The following PRDM4 variants were observed in gnomAD, a reference collection of about 807,000 sequenced individuals.
PRDM4 encodes PR/SET domain 4.
In PRDM4, 38 loss-of-function variants were observed where a neutral mutation model predicts 62.3. That is an observed-to-expected ratio of 0.61 (90% CI 0.47 to 0.80). The LOEUF is 0.80. PRDM4 is among the 30% of genes least tolerant of loss of function. PRDM4 has a pLI of 0.00. For missense variants in PRDM4, 858 were observed against 997.1 expected (o/e 0.86, Z 1.88); for synonymous variants, 339 against 348.2 (o/e 0.97, Z 0.30).
intron 2 of PRDM4, among the ~76,000 whole-genome samples, chr12:107,759,113 T>C (rs1891149342): frequency 1.3e-5 from 2 of 150,322 alleles, no homozygotes; most frequent in Non-Finnish European, 2.9e-5. Flanking sequence ...CTACTAAACA[T>C]TTTTTTTAAC....
chr12:107,751,455 G>A lies in PRDM4; in HGVS notation c.1086C>T (p.Ser362=), dbSNP rs140227015. ...FVSPSLQMED[S]NSNKENMATL... ...TTGCCATGTTCTCCTTGTTTGAATTGGAGTCTTCCATTTGCAGTGAAGGTG... is the reference window on the plus strand; with the variant it reads ...TTGCCATGTTCTCCTTGTTTGAATTAGAGTCTTCCATTTGCAGTGAAGGTG... The change falls in exon 5 of 12, where the codon TCC becomes TCT. Residue 362 remains serine, a synonymous_variant. Coordinates refer to ENST00000228437, the MANE Select transcript of PRDM4 (RefSeq NM_012406.4). 6.2e-7 allele frequency: 1 copy of A among 1,611,800 alleles called. No homozygotes were observed. The highest frequency in any genetic ancestry group is 8.5e-7 in the Non-Finnish European group (1 of 1,178,152).
intron 7 of PRDM4, 77 bp from the exon 8 acceptor site, chr12:107,743,359 T>C (rs1328011187): frequency 9.8e-7 from 1 of 1,022,530 alleles, no homozygotes; most frequent in East Asian, 2.4e-5. Context: ...AGGCCAGCAA[T>C]CACCTCATTT....
At chr12:107,739,059 C>G (rs577394865) in intron 11 of PRDM4, 33 of 205,248 alleles carry the variant, frequency 1.6e-4, no homozygotes, top group Non-Finnish European at 2.2e-4. Flanking sequence ...CTCCATCACT[C>G]TCTCACATGC....
intron 3 of PRDM4, among the ~76,000 whole-genome samples, chr12:107,756,275 G>A (rs1056517322): frequency 3.3e-5 from 5 of 152,046 alleles, no homozygotes; most frequent in Non-Finnish European, 7.4e-5. Context: ...AAAAAGGATA[G>A]GAAGAATGAA....
intron 11 of PRDM4, 64 bp from the exon 12 acceptor site, chr12:107,734,586 A>G: frequency 6.8e-7 from 1 of 1,472,844 alleles, no homozygotes; most frequent in Non-Finnish European, 9.3e-7. Context: ...GGCAACACTT[A>G]TTCTTCATAG....
chr12:107,757,922 C>A (rs1351850111), intron 2 of PRDM4, among the ~76,000 whole-genome samples: 5 of 152,138 alleles, frequency 3.3e-5, no homozygotes, highest in Non-Finnish European at 7.3e-5. Context: ...AATTTAGAGA[C>A]TGCCATACTA....
chr12:107,760,562 A>T lies in PRDM4; in HGVS notation c.-47T>A. On this transcript the variant is annotated 5_prime_UTR_variant, in exon 2 of 12. Coordinates refer to ENST00000228437, the MANE Select transcript of PRDM4 (RefSeq NM_012406.4). Reference sequence around the variant, plus strand: ...AGAAAGGAGCGCTCGGGTGGTGGGGAACAGGCATCAGGGTTTGCGTTCCAG... The same window carrying T: ...AGAAAGGAGCGCTCGGGTGGTGGGGTACAGGCATCAGGGTTTGCGTTCCAG... 6.2e-7 allele frequency: 1 copy of T among 1,610,744 alleles called. No individual in the cohort carries two copies. The highest frequency in any genetic ancestry group is 8.5e-7 in the Non-Finnish European group (1 of 1,178,352).
chr12:107,752,972 T>C (rs1422576176), intron 4 of PRDM4, among the ~76,000 whole-genome samples: 3 of 152,098 alleles, frequency 2.0e-5, no homozygotes. Flanking sequence ...TAATGCATCA[T>C]TAAAAAGGAT....
intron 2 of PRDM4, among the ~76,000 whole-genome samples, chr12:107,759,402 A>C (rs979149041): frequency 2.0e-5 from 3 of 152,252 alleles, no homozygotes; most frequent in Non-Finnish European, 2.9e-5. Flanking sequence ...CAATCACTAC[A>C]GCTGTAACAG....
At chr12:107,735,987 C>G (rs922866192) in intron 11 of PRDM4, among the ~76,000 whole-genome samples, 4 of 152,096 alleles carry the variant, frequency 2.6e-5, no homozygotes, top group African/African-American at 9.7e-5. Context: ...CTAATCCAAC[C>G]TCTTAATTCT....
Position 107,734,143 on chromosome 12 carries a change from G to A in PRDM4, c.*67C>T, listed in dbSNP as rs973849187. The A allele has an allele frequency of 1.9e-5, 28 of 1,440,586 alleles. No homozygotes were observed. The highest frequency in any genetic ancestry group is 2.5e-5 in the Non-Finnish European group (27 of 1,063,384). The allele number at this position is 1,440,586 out of a possible 1,614,324, so 89.2% of individuals were successfully genotyped here. On this transcript the variant is annotated 3_prime_UTR_variant, in exon 12 of 12. Transcript: ENST00000228437. The stretch of plus-strand genomic sequence containing the variant: ...ACCATTTTATATAAAAACCATTATA[G>A]TAGATAACTGGTTATGTGTATTTTT...
At chr12:107,736,925 C>G (rs1033198155) in intron 11 of PRDM4, 1 of 152,186 alleles carries the variant, frequency 6.6e-6, no homozygotes, top group African/African-American at 2.4e-5. Context: ...CTGCTCAGCA[C>G]TGGAGGAAAT....
Position 107,742,300 on chromosome 12 carries a change from G to T in PRDM4, c.1530C>A (p.Ile510=). The change falls in exon 9 of 12, where the codon ATC becomes ATA. Residue 510 remains isoleucine, a synonymous_variant. Coordinates refer to ENST00000228437, the MANE Select transcript of PRDM4 (RefSeq NM_012406.4). The part of the protein sequence containing the change: ...NLVAYPHDGK[I]FFCTSQDIPP... The stretch of plus-strand genomic sequence containing the variant: ...GGATATCTTGTGAGGTGCAGAAAAA[G>T]ATTTTTCCATCATGAGGATAAGCCA... 1 of 1,613,568 alleles carries T rather than the reference G, an allele frequency of 6.2e-7. No individual in the cohort carries two copies.
Position 107,752,161 on chromosome 12 carries a change from G to A in PRDM4, c.380C>T (p.Pro127Leu). Residue 127 changes from proline to leucine, a missense_variant, in exon 5 of 12, where the codon CCT (proline) becomes CTT (leucine). Around this residue, in one of 3 missense-constraint regions of PRDM4, gnomAD observed 499 missense variants for 546.7 expected, o/e 0.91. Transcript: ENST00000228437. ...ATTACCATCAACATTTATAGAGTTA[G>A]GGTGGATGTACTGTGGAGGTGGTCT... is the stretch of plus-strand genomic sequence containing the variant. The part of the protein sequence containing the change: ...ADRPPPQYIH[P>L]NSINVDGNTA... 1 of 1,599,334 alleles carries A rather than the reference G, an allele frequency of 6.3e-7. No individual in the cohort carries two copies. Among genetic ancestry groups the A allele is most frequent in the Non-Finnish European group, 8.6e-7 (1 of 1,166,530 alleles).
chr12:107,758,203 T>A (rs564027316), intron 2 of PRDM4: 2 of 151,320 alleles, frequency 1.3e-5, no homozygotes, highest in East Asian at 3.9e-4. Context: ...TGTATTGGGC[T>A]AAGTGATTTA....
At chr12:107,738,286 A>T (rs1031369529) in intron 11 of PRDM4, 14 of 152,184 alleles carry the variant, frequency 9.2e-5, no homozygotes, top group Non-Finnish European at 1.6e-4. Flanking sequence ...TTTCTGTCTA[A>T]TTTTGTAAAA....
intron 5 of PRDM4, among the ~76,000 whole-genome samples, chr12:107,747,188 T>C (rs548622262): frequency 4.0e-4 from 61 of 152,242 alleles, no homozygotes; most frequent in African/African-American, 1.4e-3. Flanking sequence ...AAGTACATTA[T>C]CCCTTACATT....
At chr12:107,742,461 T>C in intron 8 of PRDM4, 113 bp from the exon 9 acceptor site, 1 of 1,232,114 alleles carries the variant, frequency 8.1e-7, no homozygotes, top group East Asian at 2.4e-5. Context: ...TATTTACTAT[T>C]TCCTCTGGAA....
intron 2 of PRDM4, among the ~76,000 whole-genome samples, chr12:107,758,950 T>G (rs921706336): frequency 2.0e-5 from 3 of 152,220 alleles, no homozygotes; most frequent in African/African-American, 7.2e-5. Context: ...AAGAACAGCA[T>G]GCTAATAACA....
Sources: allele counts gnomAD v4.1 joint callset (sites outside exome capture counted in the v4.1 genomes callset), GRCh38; gene constraint gnomAD v4.1.1; regional missense constraint gnomAD v4.1.1; transcripts MANE v1.5; gene names NCBI Gene and HGNC (gene_info 2026-07-23, HGNC 2026-07-21).